FHL5: variants seen among roughly 807,000 people sequenced by gnomAD.
FHL5 encodes the protein four and a half LIM domains 5, also known as four and a half LIM domains protein 5.
In FHL5, 33 loss-of-function variants were observed where a neutral mutation model predicts 32.0. The ratio of observed to expected loss-of-function variants is 1.03; its 90% CI spans 0.78 to 1.38. The LOEUF is 1.38. FHL5 is among the 40% of genes most tolerant of loss of function. The pLI, the probability that FHL5 is intolerant of heterozygous loss-of-function variation, is 0.00. For synonymous variants in FHL5, 114 were observed against 113.6 expected, an observed-to-expected ratio of 1.00 and a Z score of -0.02; for missense variants, 336 against 343.9, an observed-to-expected ratio of 0.98 and a Z score of 0.18.
intron 1 of FHL5, among the ~76,000 whole-genome samples, chr6:96,596,605 T>C (rs761590108): frequency 7.9e-6 from 1 of 125,798 alleles, no homozygotes; most frequent in Non-Finnish European, 1.7e-5. Flanking sequence ...CGTGAGTTTG[T>C]ATTTTATCTT....
chr6:96,602,892 A>C (rs1771184745), intron 1 of FHL5, among the ~76,000 whole-genome samples: 1 of 152,120 alleles, frequency 6.6e-6, no homozygotes, highest in Non-Finnish European at 1.5e-5. Flanking sequence ...AAGACCTAGC[A>C]CTTGGTCTGA....
intron 4 of FHL5, among the ~76,000 whole-genome samples, chr6:96,607,652 A>G (rs1161714879): frequency 6.6e-6 from 1 of 152,074 alleles, no homozygotes; most frequent in Non-Finnish European, 1.5e-5. Flanking sequence ...TGACATATGA[A>G]GCTCCAAAGA....
intron 1 of FHL5, among the ~76,000 whole-genome samples, chr6:96,599,075 A>G (rs949753079): frequency 1.3e-5 from 2 of 152,184 alleles, no homozygotes; most frequent in Admixed American, 1.3e-4. Flanking sequence ...TATATTACTC[A>G]TAGCATTAGG....
At chr6:96,573,511 A>G (rs1770523143) in intron 1 of FHL5, among the ~76,000 whole-genome samples, 1 of 150,426 alleles carries the variant, frequency 6.6e-6, no homozygotes, top group African/African-American at 2.4e-5. Context: ...TAGTCACACT[A>G]TCACAAAATA....
At chr6:96,603,524 C>T (rs145406160) in intron 1 of FHL5, 78 bp from the exon 2 acceptor site, 20 of 1,032,700 alleles carry the variant, frequency 1.9e-5, no homozygotes, top group Non-Finnish European at 2.7e-5. Flanking sequence ...GCTTCACTCA[C>T]ATTATATTAA....
intron 4 of FHL5, among the ~76,000 whole-genome samples, chr6:96,607,334 C>T (rs1301556303): frequency 6.8e-6 from 1 of 146,300 alleles, no homozygotes; most frequent in African/African-American, 2.8e-5. Flanking sequence ...CTCTTAAGCC[C>T]ATTTGTATAT....
chr6:96,599,425 C>T (rs1417622188), intron 1 of FHL5, among the ~76,000 whole-genome samples: 1 of 152,164 alleles, frequency 6.6e-6, no homozygotes, highest in East Asian at 1.9e-4. Context: ...AAACTCACGA[C>T]GTCAGGTGAT....
chr6:96,563,783 A>G (rs1317355280), intron 1 of FHL5, among the ~76,000 whole-genome samples: 1 of 152,224 alleles, frequency 6.6e-6, no homozygotes. Flanking sequence ...TTTCAAGAGC[A>G]CATTTTGAAG....
chr6:96,575,709 A>G (rs1391058984), intron 1 of FHL5, among the ~76,000 whole-genome samples: 1 of 152,232 alleles, frequency 6.6e-6, no homozygotes, highest in African/African-American at 2.4e-5. Flanking sequence ...CACAGAAACC[A>G]GGGGGAATGA....
chr6:96,599,942 T>C (rs1382933039), intron 1 of FHL5, among the ~76,000 whole-genome samples: 1 of 152,230 alleles, frequency 6.6e-6, no homozygotes. Flanking sequence ...AGGTGCGGAT[T>C]CCTGAGACAA....
rs974051702 is a variant in FHL5 at position 96,588,075 on chromosome 6, C to T, written c.-12-15527C>T. On this transcript the variant is annotated intron_variant, in intron 1 of 5. Coordinates refer to ENST00000450218, the MANE Select transcript of FHL5 (RefSeq NM_001322466.2). Reference sequence around the variant, plus strand: ...TGAAAGTTTCTCTCAAATTTACACACTTAGGGGTGAAATTGTTGAGTCACA... The same window carrying T: ...TGAAAGTTTCTCTCAAATTTACACATTTAGGGGTGAAATTGTTGAGTCACA... Among the ~76,000 whole-genome samples, 8 of 152,326 alleles carry T rather than the reference C, an allele frequency of 5.3e-5. No individual in the cohort carries two copies. In the South Asian group the frequency reaches 1.7e-3, roughly 32 times the overall value.
In FHL5 at chr6:96,582,653, C is replaced by T. The variant is rs976061339; in HGVS notation, c.-13+19298C>T. 3.9e-5 allele frequency among the ~76,000 whole-genome samples: 6 copies of T among 152,224 alleles called. No homozygotes were observed. In the East Asian group the frequency reaches 7.7e-4, roughly 20 times the overall value. On this transcript the variant is annotated intron_variant, in intron 1 of 5. Coordinates refer to ENST00000450218, the MANE Select transcript of FHL5 (RefSeq NM_001322466.2). The stretch of plus-strand genomic sequence containing the variant: ...GCTCTCTGGAGAATTTGTGTTCAAC[C>T]TTTCCACACAAGACATTCAGCTTCC...
chr6:96,571,265 A>C (rs1414684003), intron 1 of FHL5, among the ~76,000 whole-genome samples: 5 of 152,262 alleles, frequency 3.3e-5, no homozygotes, highest in African/African-American at 4.8e-5. Context: ...AGTTGTATTC[A>C]AGGTCAGGAA....
chr6:96,565,325 CAAGGTTTTGA>C (rs896828964), intron 1 of FHL5, among the ~76,000 whole-genome samples: 3 of 152,110 alleles, frequency 2.0e-5, no homozygotes. Flanking sequence ...AGAACAGAGT[CAAGGTTTTGA>C]AGTGTCATTC....
chr6:96,612,569 A>G (rs1317095905), intron 5 of FHL5, among the ~76,000 whole-genome samples: 2 of 152,178 alleles, frequency 1.3e-5, no homozygotes, highest in Non-Finnish European at 2.9e-5. Flanking sequence ...CACTGGGCCC[A>G]GCTTTTTAAA....
chr6:96,599,929 C>G (rs1771115332), intron 1 of FHL5, among the ~76,000 whole-genome samples: 1 of 152,140 alleles, frequency 6.6e-6, no homozygotes, highest in African/African-American at 2.4e-5. Flanking sequence ...AAAATTAGCC[C>G]TCAGGTGCGG....
intron 1 of FHL5, among the ~76,000 whole-genome samples, chr6:96,575,158 A>G (rs1485535477): frequency 1.3e-5 from 2 of 152,204 alleles, no homozygotes; most frequent in African/African-American, 4.8e-5. Context: ...ACGAAAGTTA[A>G]TATATGTATG....
intron 1 of FHL5, among the ~76,000 whole-genome samples, chr6:96,570,548 G>A (rs1290262852): frequency 6.6e-6 from 1 of 152,112 alleles, no homozygotes; most frequent in Non-Finnish European, 1.5e-5. Context: ...AAATTGGGAA[G>A]TTTTCAGTTA....
intron 1 of FHL5, among the ~76,000 whole-genome samples, chr6:96,587,984 C>A (rs1039376014): frequency 5.3e-5 from 8 of 152,184 alleles, no homozygotes; most frequent in African/African-American, 1.9e-4. Flanking sequence ...CCTTGATGGA[C>A]ATTCAGACTT....
Sources: allele counts gnomAD v4.1 joint callset (sites outside exome capture counted in the v4.1 genomes callset), GRCh38; gene constraint gnomAD v4.1.1; transcripts MANE v1.5; gene names NCBI Gene and HGNC (gene_info 2026-07-23, HGNC 2026-07-21).